The following RGS17 variants were observed in gnomAD, a reference collection of about 807,000 sequenced individuals.
The protein encoded by RGS17 is regulator of G protein signaling 17, also known as regulator of G-protein signaling 17.
A neutral mutation model predicts 25.5 loss-of-function variants in RGS17; 12 were observed. The observed-to-expected ratio is 0.47, with a 90% confidence interval of 0.30 to 0.76. The LOEUF is 0.76. Ranked by LOEUF, RGS17 falls within the 30% of genes least tolerant of loss-of-function variation. RGS17 has a pLI of 0.07. For synonymous variants in RGS17, 71 were observed against 76.9 expected (o/e 0.92, Z 0.40); for missense variants, 196 against 242.2 (o/e 0.81, Z 1.27).
intron 1 of RGS17, among the ~76,000 whole-genome samples, chr6:153,107,440 T>TA (rs1362974904): frequency 6.6e-6 from 1 of 152,234 alleles, no homozygotes; most frequent in African/African-American, 2.4e-5. Flanking sequence ...AATACAAATT[T>TA]AACAATACTT....
At chr6:153,066,849 G>A (rs980711794) in intron 1 of RGS17, among the ~76,000 whole-genome samples, 1 of 152,084 alleles carries the variant, frequency 6.6e-6, no homozygotes, top group African/African-American at 2.4e-5. Flanking sequence ...AGACCATCCT[G>A]GCTAACATGG....
intron 1 of RGS17, among the ~76,000 whole-genome samples, chr6:153,082,543 ATT>A (rs1777000126): frequency 6.6e-6 from 1 of 151,940 alleles, no homozygotes; most frequent in South Asian, 2.1e-4. Flanking sequence ...TTACTTTGTA[ATT>A]TTTTTATATC....
chr6:153,044,699 G>C (rs1338071), intron 1 of RGS17, among the ~76,000 whole-genome samples: 58,065 of 151,688 alleles, frequency 0.38, 11,755 homozygotes, highest in East Asian at 0.62. Flanking sequence ...TTAACGGAGA[G>C]TTGGGGGAAA....
In RGS17 at chr6:153,080,066, C is replaced by T. The variant is rs191527009; in HGVS notation, c.-25-36023G>A. On this transcript the variant is annotated intron_variant, in intron 1 of 4. Coordinates refer to ENST00000206262, the MANE Select transcript of RGS17 (RefSeq NM_012419.5). The stretch of plus-strand genomic sequence containing the variant: ...GTGCGATCTCAGCTCACTGCAACCT[C>T]CGCCTTCTGGGTTCAAGTGATTCTC... 8.1e-4 allele frequency among the ~76,000 whole-genome samples: 123 copies of T among 152,308 alleles called. 1 individual carries two copies. The highest frequency in any genetic ancestry group is 2.9e-3 in the African/African-American group (119 of 41,562).
chr6:153,026,322 G>T, intron 3 of RGS17, 132 bp downstream of exon 3: 1 of 503,798 alleles, frequency 2.0e-6, no homozygotes, highest in Non-Finnish European at 3.5e-6. Context: ...AGATCTTCCA[G>T]ATTGAATTTG....
intron 1 of RGS17, among the ~76,000 whole-genome samples, chr6:153,103,634 C>T (rs566254010): frequency 3.6e-4 from 55 of 152,308 alleles, no homozygotes; most frequent in African/African-American, 1.3e-3. Context: ...CCCCGAAAAA[C>T]CAAATGCCAG....
chr6:153,077,918 A>T (rs116400441), intron 1 of RGS17, among the ~76,000 whole-genome samples: 1 of 151,876 alleles, frequency 6.6e-6, no homozygotes, highest in East Asian at 1.9e-4. Context: ...CCATCACCCA[A>T]GCTGGGGTGC....
chr6:153,101,255 AT>A (rs35150254), intron 1 of RGS17, among the ~76,000 whole-genome samples: 1 of 152,162 alleles, frequency 6.6e-6, no homozygotes, highest in Non-Finnish European at 1.5e-5. Flanking sequence ...ACACAGTTTT[AT>A]TTTTTTCAAC....
intron 1 of RGS17, among the ~76,000 whole-genome samples, chr6:153,097,909 C>CTT (rs753296759): frequency 6.6e-6 from 1 of 152,064 alleles, no homozygotes; most frequent in Non-Finnish European, 1.5e-5. Flanking sequence ...TAAGGGAGCT[C>CTT]TTGCAAATGA....
rs1779096640 is a variant in RGS17 at position 153,008,242 on chromosome 6, T to C, written c.*3332A>G. ...GTATTTCATTCTGTAAGTCAGAACC[T>C]AGGCAGCATTAAAGGATACTAATAA... is the stretch of plus-strand genomic sequence containing the variant. On this transcript the variant is annotated 3_prime_UTR_variant, in exon 5 of 5. Transcript: ENST00000206262. The C allele has an allele frequency of 6.6e-6, 1 of 152,094 alleles. No individual in the cohort carries two copies. Among genetic ancestry groups the C allele is most frequent in the Admixed American group, 6.5e-5 (1 of 15,270 alleles). 9.4% of individuals were successfully genotyped at this position (152,094 alleles called of 1,614,324 possible).
intron 1 of RGS17, among the ~76,000 whole-genome samples, chr6:153,051,135 C>T (rs1037120128): frequency 1.3e-5 from 2 of 152,194 alleles, no homozygotes; most frequent in Admixed American, 1.3e-4. Context: ...TATTGATAAG[C>T]CACCCTACAT....
chr6:153,064,684 A>C (rs1391501119), intron 1 of RGS17, among the ~76,000 whole-genome samples: 4 of 151,950 alleles, frequency 2.6e-5, no homozygotes, highest in African/African-American at 7.2e-5. Context: ...ATTAATTTTC[A>C]TTTTGCTTCT....
Position 153,011,402 on chromosome 6 carries a change from C to T in RGS17, c.*172G>A. 4 of 579,420 alleles carry T rather than the reference C, an allele frequency of 6.9e-6. No homozygotes were observed. Among genetic ancestry groups the T allele is most frequent in the Admixed American group, 6.7e-5 (2 of 29,666 alleles). The allele number at this position is 579,420 out of a possible 1,614,324, so 35.9% of individuals were successfully genotyped here. ...TGTTTTGTGTGGTATTTTCTCCAAA[C>T]TTAACCATGGAAAACCTTGATAAAA... On this transcript the variant is annotated 3_prime_UTR_variant, in exon 5 of 5. Transcript: ENST00000206262.
In RGS17 at chr6:153,011,062, T is replaced by C. The variant is rs1325921514; in HGVS notation, c.*512A>G. 6.5e-6 allele frequency: 1 copy of C among 153,318 alleles called. No homozygotes were observed. Among genetic ancestry groups the C allele is most frequent in the African/African-American group, 2.4e-5 (1 of 41,450 alleles). The allele number at this position is 153,318 out of a possible 1,614,324, so 9.5% of individuals were successfully genotyped here. On this transcript the variant is annotated 3_prime_UTR_variant, in exon 5 of 5. Coordinates refer to ENST00000206262, the MANE Select transcript of RGS17 (RefSeq NM_012419.5). ...TTCAAAATTAGTGTACTAAACACAG[T>C]ATATAGAATGTTGAATACCATTGTT...
intron 1 of RGS17, among the ~76,000 whole-genome samples, chr6:153,103,217 G>A (rs546784853): frequency 1.1e-3 from 173 of 152,284 alleles, no homozygotes; most frequent in Non-Finnish European, 1.9e-3. Context: ...AGCATTAGGA[G>A]TTTCAGTTTA....
chr6:153,015,751 T>C (rs1437510945), intron 4 of RGS17, among the ~76,000 whole-genome samples: 2 of 152,100 alleles, frequency 1.3e-5, no homozygotes, highest in East Asian at 3.9e-4. Context: ...CCTCCCGGGT[T>C]CACGCCATTG....
chr6:153,054,675 A>G (rs1776529583), intron 1 of RGS17, among the ~76,000 whole-genome samples: 1 of 151,102 alleles, frequency 6.6e-6, no homozygotes, highest in Non-Finnish European at 1.5e-5. Flanking sequence ...ATAAATAAAT[A>G]AATAAATAAA....
intron 1 of RGS17, among the ~76,000 whole-genome samples, chr6:153,044,648 G>C (rs1451198288): frequency 6.6e-6 from 1 of 152,142 alleles, no homozygotes; most frequent in Non-Finnish European, 1.5e-5. Flanking sequence ...TGTTGCAAAG[G>C]CATTAGCTTC....
At chr6:153,108,933 G>A (rs1448469155) in intron 1 of RGS17, among the ~76,000 whole-genome samples, 1 of 151,776 alleles carries the variant, frequency 6.6e-6, no homozygotes, top group Non-Finnish European at 1.5e-5. Context: ...ATCTCATGGG[G>A]GCAGGCATTT....
Sources: gnomAD v4.1 joint callset for allele counts (sites outside exome capture counted in the v4.1 genomes callset) on GRCh38, gnomAD v4.1.1 for gene constraint, MANE v1.5 for transcripts, NCBI Gene and HGNC (gene_info 2026-07-23, HGNC 2026-07-21) for gene names.